Variants in GON4L observed in about 807,000 individuals in gnomAD.
GON4L encodes GON-4-like protein.
GON4L carries 87 observed loss-of-function variants against 211.8 expected under a neutral mutation model. The observed-to-expected ratio is 0.41, with a 90% confidence interval of 0.35 to 0.49. The LOEUF (loss-of-function observed/expected upper bound fraction) is 0.49, where lower values mean the gene tolerates loss of function less well. Ranked by LOEUF, GON4L falls within the 20% of genes least tolerant of loss-of-function variation. GON4L has a pLI of 0.15. For missense variants in GON4L, 2,155 were observed against 2,659.5 expected, an observed-to-expected ratio of 0.81 and a Z score of 4.17; for synonymous variants, 875 against 962.6, an observed-to-expected ratio of 0.91 and a Z score of 1.68.
chr1:155,813,458 C>A (rs1352049663), intron 10 of GON4L, among the ~76,000 whole-genome samples, 176 bp downstream of exon 10: 2 of 151,834 alleles, frequency 1.3e-5, no homozygotes, highest in Non-Finnish European at 2.9e-5. Flanking sequence ...ACAAAAAAAA[C>A]CCCAAACTGC....
downstream of GON4L, chr1:155,746,920 G>A (rs753224593): frequency 1.1e-5 from 17 of 1,599,662 alleles, no homozygotes; most frequent in Non-Finnish European, 1.4e-5. Context: ...CAACCTGAGG[G>A]TCTCCATAGG....
intron 29 of GON4L, among the ~76,000 whole-genome samples, chr1:155,752,969 C>T (rs1313413835): frequency 6.6e-6 from 1 of 152,096 alleles, no homozygotes; most frequent in African/African-American, 2.4e-5. Flanking sequence ...TGGAATAAAA[C>T]ACAAGACAAT....
At chr1:155,757,349 G>T (rs889241360) in intron 25 of GON4L, 26 bp from the exon 26 acceptor site, 1 of 1,610,148 alleles carries the variant, frequency 6.2e-7, no homozygotes. Flanking sequence ...GAGGGAAAGA[G>T]GAAGTCTCCA....
chr1:155,834,144 G>C (rs1183282850), intron 2 of GON4L, among the ~76,000 whole-genome samples: 1 of 151,944 alleles, frequency 6.6e-6, no homozygotes, highest in Non-Finnish European at 1.5e-5. Context: ...CTCTTTAACT[G>C]CTTCATATAA....
In GON4L at chr1:155,750,322, A is replaced by G. The variant is rs898147104; in HGVS notation, c.*262T>C. 6.6e-6 allele frequency: 4 copies of G among 609,414 alleles called. No individual in the cohort carries two copies. The highest frequency in any genetic ancestry group is 2.0e-5 in the South Asian group (1 of 49,440). The allele number at this position is 609,414 out of a possible 1,614,324, so 37.8% of individuals were successfully genotyped here. A position where few individuals can be genotyped will look rare whatever the true frequency, so the allele number is the denominator to read the frequency against. On this transcript the variant is annotated 3_prime_UTR_variant, in exon 32 of 32. Transcript: ENST00000368331. ...AATATGTGCCATCAGACCAAAAAAA[A>G]GTAGAGAAAGGAGCTGAACTCCACT... is the stretch of plus-strand genomic sequence containing the variant.
Position 155,765,082 on chromosome 1 carries a change from T to A in GON4L, c.4391A>T (p.Asp1464Val), listed in dbSNP as rs372320021. The change falls in exon 21 of 32, where the codon GAC becomes GTC. Residue 1464 changes from aspartate to valine, a missense_variant. Physicochemically the swap from Asp to Val is radical, Grantham distance 152. This residue lies in a region of GON4L where 615 missense variants were observed against 625.7 expected (regional missense o/e 0.98). Transcript: ENST00000368331. Reference sequence around the variant, plus strand: ...CTCATCTTGGGTGAGGTCATCAAAGTCCTCTTCTTCCTCTTCTTCTGGCCC... The same window carrying A: ...CTCATCTTGGGTGAGGTCATCAAAGACCTCTTCTTCCTCTTCTTCTGGCCC... ...KNGPEEEEEE[D>V]FDDLTQDEED... 97 of 1,614,016 alleles carry A rather than the reference T, an allele frequency of 6.0e-5. No individual in the cohort carries two copies. Among genetic ancestry groups the A allele is most frequent in the Non-Finnish European group, 7.6e-6 (9 of 1,180,026 alleles).
intron 18 of GON4L, among the ~76,000 whole-genome samples, chr1:155,772,571 A>G (rs1663305141): frequency 1.3e-5 from 2 of 150,166 alleles, no homozygotes; most frequent in African/African-American, 2.5e-5. Context: ...TGGATAACAC[A>G]GAGAGACCCT....
At chr1:155,823,487 G>A (rs541809187) in intron 3 of GON4L, among the ~76,000 whole-genome samples, 1 of 152,248 alleles carries the variant, frequency 6.6e-6, no homozygotes, top group Admixed American at 6.5e-5. Context: ...ACATTTTCCT[G>A]TTTTGTCCAG....
At position 155,777,745 on chromosome 1, in the gene GON4L, C is replaced by T. The variant is rs754906709; in HGVS notation, c.1968G>A (p.Met656Ile). The change falls in exon 15 of 32, where the codon ATG (methionine) becomes ATA (isoleucine). Residue 656 changes from methionine to isoleucine, a missense_variant. Met to Ile is a conservative substitution (Grantham distance 10). Transcript: ENST00000368331. Reference sequence around the variant, plus strand: ...GCAGCTGTTTGGCTGAAGATTTCTTCATCTTCAGCTGTTCAAATAGCTCCT... The same window carrying T: ...GCAGCTGTTTGGCTGAAGATTTCTTTATCTTCAGCTGTTCAAATAGCTCCT... ...TVKELFEQLKMKKSSAKQLQE... is the reference protein window; with the variant it reads ...TVKELFEQLKIKKSSAKQLQE... 7 of 1,611,068 alleles carry T rather than the reference C, an allele frequency of 4.3e-6. No individual in the cohort carries two copies. The highest frequency in any genetic ancestry group is 2.2e-5 in the East Asian group (1 of 44,878).
chr1:155,761,351 A>AC (rs1661781763), intron 23 of GON4L, among the ~76,000 whole-genome samples: 1 of 146,938 alleles, frequency 6.8e-6, no homozygotes, highest in Non-Finnish European at 1.5e-5. Context: ...TTAGCTCACT[A>AC]TTTTTTTTTT....
intron 19 of GON4L, among the ~76,000 whole-genome samples, chr1:155,770,666 T>C (rs1382951876): frequency 6.6e-6 from 1 of 152,168 alleles, no homozygotes; most frequent in Non-Finnish European, 1.5e-5. Context: ...CTGGCCAACA[T>C]GGTGAAACCT....
In GON4L at chr1:155,765,956, G is replaced by A; in HGVS notation, c.3517C>T (p.Gln1173Ter). The A allele has an allele frequency of 6.2e-7, 1 of 1,614,148 alleles. No individual in the cohort carries two copies. Among genetic ancestry groups the A allele is most frequent in the Non-Finnish European group, 8.5e-7 (1 of 1,180,026 alleles). The change falls in exon 21 of 32, where the codon CAG (glutamine) becomes TAG (stop). Residue 1173 changes from glutamine to a stop codon, truncating the protein, a stop_gained. Coordinates refer to ENST00000368331, the MANE Select transcript of GON4L (RefSeq NM_001282860.2). LOFTEE classifies it high-confidence loss of function. Reference protein sequence around the residue: ...MIQPVNAAVAQSPQTIPITTL... With the variant: ...MIQPVNAAVA ...GTGATGGGAATAGTCTGGGGACTCTGGGCCACAGCCGCATTGACAGGCTGG... is the reference window on the plus strand; with the variant it reads ...GTGATGGGAATAGTCTGGGGACTCTAGGCCACAGCCGCATTGACAGGCTGG...
chr1:155,853,616 TCTGCC>T lies in GON4L; in HGVS notation c.160_164del (p.Gly54SerfsTer41), dbSNP rs1405368940. ...AAGACTGTACTTCGAAGCCAGCTAC[TCTGCC>T]ATGACTTGGATCCCAGGATAGTGAC... On this transcript the variant is annotated frameshift_variant, in exon 2 of 32. Transcript: ENST00000368331. LOFTEE classifies it high-confidence loss of function. 3 of 1,614,052 alleles carry T rather than the reference TCTGCC, an allele frequency of 1.9e-6. No individual in the cohort carries two copies. The Admixed American group carries it at 5.0e-5, about 27-fold the overall frequency.
rs1661261765 is a variant in GON4L, at chr1:155,757,030, C to T, written c.5445G>A (p.Glu1815=). The T allele has an allele frequency of 6.2e-7, 1 of 1,613,676 alleles. No individual in the cohort carries two copies. Among genetic ancestry groups the T allele is most frequent in the African/African-American group, 1.3e-5 (1 of 74,888 alleles). Reference sequence around the variant, plus strand: ...AGGCTGTGGGTATCTTGGGAGGCTCCTCCTCTTCTTCCACATCAGGCAGGG... The same window carrying T: ...AGGCTGTGGGTATCTTGGGAGGCTCTTCCTCTTCTTCCACATCAGGCAGGG... ...EVALPDVEEE[E]EPPKIPTASK... Residue 1815 remains glutamate (E), a synonymous_variant, in exon 27 of 32, where the codon GAG becomes GAA. Transcript: ENST00000368331.
At chr1:155,847,577 C>T (rs749418196) in intron 2 of GON4L, among the ~76,000 whole-genome samples, 1 of 152,116 alleles carries the variant, frequency 6.6e-6, no homozygotes, top group South Asian at 2.1e-4. Flanking sequence ...TAGCGGGTAC[C>T]TATAACCCCA....
chr1:155,807,026 G>C (rs1667191607), intron 10 of GON4L, among the ~76,000 whole-genome samples: 1 of 148,786 alleles, frequency 6.7e-6, no homozygotes, highest in Non-Finnish European at 1.5e-5. Flanking sequence ...TTGAGACTAG[G>C]AGATCAAGGC....
At chr1:155,798,318 C>G (rs913030712) in intron 11 of GON4L, among the ~76,000 whole-genome samples, 12 of 149,998 alleles carry the variant, frequency 8.0e-5, no homozygotes, top group Non-Finnish European at 1.2e-4. Context: ...CTTATCAGTA[C>G]AGATTCTTTA....
intron 11 of GON4L, among the ~76,000 whole-genome samples, chr1:155,798,143 GAC>G (rs1415103025): frequency 6.7e-6 from 1 of 148,614 alleles, no homozygotes; most frequent in Non-Finnish European, 1.5e-5. Context: ...TACTTATACA[GAC>G]ACACATTTAA....
At position 155,784,007 on chromosome 1, in the gene GON4L, A is replaced by C; in HGVS notation, c.1871T>G (p.Phe624Cys). 6.2e-7 allele frequency: 1 copy of C among 1,613,970 alleles called. No individual in the cohort carries two copies. Among genetic ancestry groups the C allele is most frequent in the Non-Finnish European group, 8.5e-7 (1 of 1,179,860 alleles). Reference sequence around the variant, plus strand: ...CTACCGTAGAGCTTGAGGGGTGTTAAAGTTAGGACGAGGCTCAGCTACACA... The same window carrying C: ...CTACCGTAGAGCTTGAGGGGTGTTACAGTTAGGACGAGGCTCAGCTACACA... ...EECVAEPRPN[F>C]NTPQALRFEE... Residue 624 changes from phenylalanine to cysteine, a missense_variant, in exon 14 of 32, where the codon TTT (phenylalanine) becomes TGT (cysteine). Coordinates refer to ENST00000368331, the MANE Select transcript of GON4L (RefSeq NM_001282860.2).
Sources: allele counts gnomAD v4.1 joint callset (sites outside exome capture counted in the v4.1 genomes callset), GRCh38; gene constraint gnomAD v4.1.1; regional missense constraint gnomAD v4.1.1; transcripts MANE v1.5; gene names NCBI Gene and HGNC (gene_info 2026-07-23, HGNC 2026-07-21).